The following FAM227B variants were observed in gnomAD, a reference collection of about 807,000 sequenced individuals.
The protein encoded by FAM227B is family with sequence similarity 227 member B, also known as protein FAM227B.
A neutral mutation model predicts 73.8 loss-of-function variants in FAM227B; 88 were observed. That is an observed-to-expected ratio of 1.19 (90% CI 1.00 to 1.42). The LOEUF (loss-of-function observed/expected upper bound fraction) is 1.42. Among genes scored for constraint, FAM227B ranks in the 40% most tolerant of loss-of-function variants. The pLI, the probability that FAM227B is intolerant of heterozygous loss-of-function variation, is 0.00. For missense variants in FAM227B, 632 were observed against 590.9 expected (o/e 1.07, Z -0.72); for synonymous variants, 210 against 190.5 (o/e 1.10, Z -0.84).
intron 11 of FAM227B, among the ~76,000 whole-genome samples, chr15:49,451,732 T>C (rs2052763383): frequency 6.6e-6 from 1 of 152,120 alleles, no homozygotes; most frequent in Non-Finnish European, 1.5e-5. Flanking sequence ...GAAGCCTTTA[T>C]TGGGGATTAA....
chr15:49,447,750 G>A (rs1315498966), intron 11 of FAM227B, among the ~76,000 whole-genome samples: 2 of 151,628 alleles, frequency 1.3e-5, no homozygotes, highest in African/African-American at 4.8e-5. Flanking sequence ...GAATGACTTT[G>A]TCCTCATTAC....
intron 11 of FAM227B, among the ~76,000 whole-genome samples, chr15:49,471,235 C>T (rs1433557563): frequency 1.4e-5 from 2 of 139,810 alleles, no homozygotes; most frequent in South Asian, 2.4e-4. Flanking sequence ...CCTGTAATCC[C>T]AGCACTTTGG....
chr15:49,576,017 C>G (rs2075416859), intron 7 of FAM227B: 1 of 152,062 alleles, frequency 6.6e-6, no homozygotes, highest in Non-Finnish European at 1.5e-5. Context: ...AAGTACAGGT[C>G]TATAAAAAGG....
intron 11 of FAM227B, among the ~76,000 whole-genome samples, chr15:49,489,827 T>G (rs1567381605): frequency 1.2e-4 from 6 of 49,802 alleles, no homozygotes; most frequent in African/African-American, 5.0e-4. Flanking sequence ...ATATTTTATA[T>G]ATATATATAT....
chr15:49,547,933 A>T (rs2072188397), intron 9 of FAM227B, among the ~76,000 whole-genome samples: 1 of 152,254 alleles, frequency 6.6e-6, no homozygotes. Context: ...GAAAGTCAAC[A>T]AAGAAATAAT....
intron 15 of FAM227B, chr15:49,331,500 T>A: frequency 2.8e-6 from 1 of 358,360 alleles, no homozygotes; most frequent in Non-Finnish European, 5.1e-6. Flanking sequence ...TAAACATCAG[T>A]GATTATTAGT....
intron 1 of FAM227B, among the ~76,000 whole-genome samples, chr15:49,616,733 T>C (rs1353813194): frequency 1.3e-5 from 2 of 152,242 alleles, no homozygotes; most frequent in African/African-American, 4.8e-5. Flanking sequence ...AAAATTAATA[T>C]AGGATCATTC....
chr15:49,402,022 C>A (rs1342163482), intron 11 of FAM227B, among the ~76,000 whole-genome samples: 2 of 151,960 alleles, frequency 1.3e-5, no homozygotes, highest in Non-Finnish European at 2.9e-5. Context: ...AAAAAAAAAT[C>A]TTACCAAAAC....
chr15:49,516,308 G>A (rs530423177), intron 10 of FAM227B, among the ~76,000 whole-genome samples: 9 of 151,992 alleles, frequency 5.9e-5, no homozygotes, highest in East Asian at 3.9e-4. Context: ...TCTTTTATCC[G>A]CACACTAACC....
intron 9 of FAM227B, among the ~76,000 whole-genome samples, chr15:49,552,977 T>C (rs925669797): frequency 2.6e-5 from 4 of 152,222 alleles, no homozygotes; most frequent in Non-Finnish European, 5.9e-5. Context: ...TGGTGCCTTA[T>C]TTAGTTAATT....
At chr15:49,557,794 G>A (rs1598215059) in intron 9 of FAM227B, among the ~76,000 whole-genome samples, 1 of 152,330 alleles carries the variant, frequency 6.6e-6, no homozygotes, top group East Asian at 1.9e-4. Context: ...GATTGAGATG[G>A]AGAGCCACCT....
At chr15:49,547,057 A>G (rs2072019988) in intron 9 of FAM227B, among the ~76,000 whole-genome samples, 1 of 152,218 alleles carries the variant, frequency 6.6e-6, no homozygotes, top group South Asian at 2.1e-4. Context: ...CACAAAGGGA[A>G]GCCCATCAGA....
At chr15:49,422,651 C>G in intron 11 of FAM227B, 1 of 1,117,130 alleles carries the variant, frequency 9.0e-7, no homozygotes. Context: ...GGTAACTTGC[C>G]CGAAGTCATA....
chr15:49,416,652 T>C (rs1021370313), intron 11 of FAM227B, among the ~76,000 whole-genome samples: 1 of 152,022 alleles, frequency 6.6e-6, no homozygotes, highest in Non-Finnish European at 1.5e-5. Flanking sequence ...TAAATAACTT[T>C]AGCAAAGTTT....
At position 49,537,834 on chromosome 15, in the gene FAM227B, T is replaced by C. The variant is rs574668273; in HGVS notation, c.874+3846A>G. Among the ~76,000 whole-genome samples the C allele has an allele frequency of 2.0e-5, 3 of 152,250 alleles. No homozygotes were observed. The East Asian group carries it at 5.8e-4, about 29-fold the overall frequency. ...ACACATAAATAAAAATATTTCATGA[T>C]CTCACTGATATTTGGAAAATAAGAA... On this transcript the variant is annotated intron_variant, in intron 10 of 15. Coordinates refer to ENST00000299338, the MANE Select transcript of FAM227B (RefSeq NM_152647.3).
chr15:49,612,363 T>C (rs1433662297), intron 2 of FAM227B, among the ~76,000 whole-genome samples: 1 of 152,180 alleles, frequency 6.6e-6, no homozygotes, highest in African/African-American at 2.4e-5. Flanking sequence ...GTCCTTGCGA[T>C]AGTTTGCTGA....
At position 49,503,224 on chromosome 15, in the gene FAM227B, G is replaced by C. The variant is rs528704819; in HGVS notation, c.1012+4987C>G. Among the ~76,000 whole-genome samples the C allele has an allele frequency of 6.6e-5, 10 of 152,290 alleles. No individual in the cohort carries two copies. In the South Asian group the frequency reaches 2.1e-3, roughly 32 times the overall value. ...TGCTGGGAAAACTGGCTAGCCATAT[G>C]TAGAAAGCTGAAACTGGATCCCTTC... On this transcript the variant is annotated intron_variant, in intron 11 of 15. Coordinates refer to ENST00000299338, the MANE Select transcript of FAM227B (RefSeq NM_152647.3).
intron 10 of FAM227B, among the ~76,000 whole-genome samples, chr15:49,519,881 TCG>T (rs1057131448): frequency 6.6e-6 from 1 of 152,198 alleles, no homozygotes; most frequent in Admixed American, 6.5e-5. Flanking sequence ...TTCTTTTCCG[TCG>T]CATTATTGGG....
chr15:49,420,467 T>TA (rs2049529520), intron 11 of FAM227B, among the ~76,000 whole-genome samples: 1 of 151,934 alleles, frequency 6.6e-6, no homozygotes, highest in Admixed American at 6.6e-5. Context: ...AAGTAAAAAA[T>TA]AATATGTATG....
Sources: allele counts gnomAD v4.1 joint callset (sites outside exome capture counted in the v4.1 genomes callset), GRCh38; gene constraint gnomAD v4.1.1; transcripts MANE v1.5; gene names NCBI Gene and HGNC (gene_info 2026-07-23, HGNC 2026-07-21).